Variants in IMMP2L observed in about 807,000 individuals in gnomAD.
The protein encoded by IMMP2L is mitochondrial inner membrane protease subunit 2.
In IMMP2L, 18 loss-of-function variants were observed where a neutral mutation model predicts 19.3. That is an observed-to-expected ratio of 0.93 (90% CI 0.64 to 1.38). The LOEUF (loss-of-function observed/expected upper bound fraction) is 1.38. Ranked by LOEUF, IMMP2L falls within the 40% of genes most tolerant of loss-of-function variation. The pLI is 0.00. For missense variants in IMMP2L, 233 were observed against 218.2 expected (o/e 1.07, Z -0.43); for synonymous variants, 76 against 73.0 (o/e 1.04, Z -0.21).
chr7:110,795,133 T>C (rs1400315128), intron 5 of IMMP2L, among the ~76,000 whole-genome samples: 3 of 152,116 alleles, frequency 2.0e-5, no homozygotes, highest in Non-Finnish European at 4.4e-5. Context: ...CTGGAACATG[T>C]TGAAGACAAA....
chr7:111,531,198 G>A (rs562523523), intron 1 of IMMP2L, among the ~76,000 whole-genome samples: 7 of 151,824 alleles, frequency 4.6e-5, no homozygotes, highest in South Asian at 2.1e-4. Flanking sequence ...CTTGTGATCC[G>A]CCCGCCTCGG....
chr7:110,827,079 G>A (rs1803568538), intron 5 of IMMP2L, among the ~76,000 whole-genome samples: 1 of 152,014 alleles, frequency 6.6e-6, no homozygotes, highest in African/African-American at 2.4e-5. Flanking sequence ...GAGTAAAAAT[G>A]ACAAATTTCT....
chr7:110,663,488 A>G lies in IMMP2L; in HGVS notation c.*114T>C. On this transcript the variant is annotated 3_prime_UTR_variant, in exon 6 of 6. Transcript: ENST00000405709. ...CAGATCGTTTTAATGTGCTGTAAAT[A>G]TTTCTCGCACAGCATCATATTGTCA... 1.2e-6 allele frequency: 1 copy of G among 848,896 alleles called. No homozygotes were observed. The highest frequency in any genetic ancestry group is 1.9e-6 in the Non-Finnish European group (1 of 521,438). The allele number at this position is 848,896 out of a possible 1,614,324, so 52.6% of individuals were successfully genotyped here. A position where few individuals can be genotyped will look rare whatever the true frequency, so the allele number is the denominator to read the frequency against.
chr7:110,666,003 T>A (rs1373156014), intron 5 of IMMP2L, among the ~76,000 whole-genome samples: 1 of 152,180 alleles, frequency 6.6e-6, no homozygotes, highest in Non-Finnish European at 1.5e-5. Context: ...AAAAGTGCTT[T>A]CCCTTTCACC....
chr7:110,794,595 C>G (rs753575886), intron 5 of IMMP2L, among the ~76,000 whole-genome samples: 1 of 151,934 alleles, frequency 6.6e-6, no homozygotes, highest in African/African-American at 2.4e-5. Context: ...TTGGAAAAAA[C>G]CAATAAGACA....
intron 3 of IMMP2L, among the ~76,000 whole-genome samples, chr7:111,470,424 G>A (rs1200664976): frequency 1.3e-5 from 2 of 151,874 alleles, no homozygotes; most frequent in Non-Finnish European, 2.9e-5. Context: ...ACATGCACAC[G>A]TATGTTTATT....
chr7:111,271,505 C>T (rs949611790), intron 3 of IMMP2L, among the ~76,000 whole-genome samples: 4 of 152,144 alleles, frequency 2.6e-5, no homozygotes, highest in Non-Finnish European at 4.4e-5. Context: ...TACATCAGAA[C>T]CACAGGGAAG....
chr7:111,265,914 TGGG>T (rs1366064356), intron 3 of IMMP2L, among the ~76,000 whole-genome samples: 1 of 152,204 alleles, frequency 6.6e-6, no homozygotes, highest in African/African-American at 2.4e-5. Context: ...TCTACATGAC[TGGG>T]TTAATGACTG....
intron 5 of IMMP2L, among the ~76,000 whole-genome samples, chr7:110,669,427 C>T (rs779006558): frequency 6.6e-6 from 1 of 152,124 alleles, no homozygotes; most frequent in Non-Finnish European, 1.5e-5. Flanking sequence ...TACTGAAAGT[C>T]GATCAATTTA....
At chr7:111,424,630 A>T (rs1835895610) in intron 3 of IMMP2L, among the ~76,000 whole-genome samples, 1 of 151,826 alleles carries the variant, frequency 6.6e-6, no homozygotes, top group African/African-American at 2.4e-5. Flanking sequence ...ATGCTACTTA[A>T]AACTATATCT....
At chr7:111,130,771 A>G (rs1245640193) in intron 3 of IMMP2L, among the ~76,000 whole-genome samples, 2 of 152,116 alleles carry the variant, frequency 1.3e-5, no homozygotes, top group Non-Finnish European at 2.9e-5. Flanking sequence ...TGGTCTTTCA[A>G]AAGAATACGA....
chr7:110,827,345 C>T (rs911602713), intron 5 of IMMP2L, among the ~76,000 whole-genome samples: 1 of 152,114 alleles, frequency 6.6e-6, no homozygotes, highest in Non-Finnish European at 1.5e-5. Context: ...GGAGACTTTT[C>T]AATTGGTTGC....
rs1450656210 is a variant in IMMP2L, at chr7:111,013,868, A to T, written c.240-50303T>A. Among the ~76,000 whole-genome samples the T allele has an allele frequency of 3.9e-5, 6 of 151,918 alleles. No individual in the cohort carries two copies. The East Asian group carries it at 9.7e-4, about 24-fold the overall frequency. On this transcript the variant is annotated intron_variant, in intron 3 of 5. Coordinates refer to ENST00000405709, the MANE Select transcript of IMMP2L (RefSeq NM_032549.4). The stretch of plus-strand genomic sequence containing the variant: ...AAAAACAAGTCTGGTTTACCACCTC[A>T]TATAGCTTTCATCTTACCAAGAAAA...
chr7:111,053,184 C>T (rs538645434), intron 3 of IMMP2L, among the ~76,000 whole-genome samples: 15 of 152,306 alleles, frequency 9.8e-5, no homozygotes, highest in Admixed American at 8.5e-4. Flanking sequence ...AAGCAAGCAG[C>T]TTGAAAGATA....
chr7:111,100,147 A>G (rs567434826), intron 3 of IMMP2L, among the ~76,000 whole-genome samples: 1 of 151,680 alleles, frequency 6.6e-6, no homozygotes, highest in South Asian at 2.1e-4. Flanking sequence ...TTAAATTTCA[A>G]TAGCTTTTTG....
At chr7:110,852,313 A>G (rs1238477493) in intron 5 of IMMP2L, among the ~76,000 whole-genome samples, 1 of 152,070 alleles carries the variant, frequency 6.6e-6, no homozygotes, top group Non-Finnish European at 1.5e-5. Flanking sequence ...ACACATACAT[A>G]TACATACACA....
intron 3 of IMMP2L, among the ~76,000 whole-genome samples, chr7:111,452,368 A>G (rs1839285406): frequency 2.0e-5 from 3 of 152,166 alleles, no homozygotes; most frequent in African/African-American, 7.2e-5. Flanking sequence ...AAAACTTAGA[A>G]TTCCCTAAGC....
intron 3 of IMMP2L, among the ~76,000 whole-genome samples, chr7:111,002,277 G>T (rs1423981910): frequency 6.6e-6 from 1 of 152,128 alleles, no homozygotes. Flanking sequence ...AAGTAAGCCT[G>T]CCTATTACCC....
At chr7:111,083,894 C>A (rs551374534) in intron 3 of IMMP2L, among the ~76,000 whole-genome samples, 2 of 152,254 alleles carry the variant, frequency 1.3e-5, no homozygotes, top group African/African-American at 4.8e-5. Flanking sequence ...CAAGGAAAAT[C>A]ATTTCTATTT....
Sources: gnomAD v4.1 joint callset for allele counts (sites outside exome capture counted in the v4.1 genomes callset) on GRCh38, gnomAD v4.1.1 for gene constraint, MANE v1.5 for transcripts, NCBI Gene and HGNC (gene_info 2026-07-23, HGNC 2026-07-21) for gene names.